The following MYO19 variants were observed in gnomAD, a reference collection of about 807,000 sequenced individuals.
The protein encoded by MYO19 is unconventional myosin-XIX.
MYO19 carries 132 observed loss-of-function variants against 129.2 expected under a neutral mutation model. The ratio of observed to expected loss-of-function variants is 1.02; its 90% CI spans 0.89 to 1.18. MYO19 has a LOEUF of 1.18. Among genes scored for constraint, MYO19 ranks in the 50% most tolerant of loss-of-function variants. MYO19 has a pLI of 0.00. For synonymous variants in MYO19, 531 were observed against 477.2 expected, an observed-to-expected ratio of 1.11 and a Z score of -1.47; for missense variants, 1,210 against 1,216.7, an observed-to-expected ratio of 0.99 and a Z score of 0.08.
intron 12 of MYO19, 114 bp from the exon 13 acceptor site, chr17:36,511,031 T>C: frequency 8.0e-7 from 1 of 1,247,712 alleles, no homozygotes; most frequent in Admixed American, 2.5e-5. Flanking sequence ...AGAAGAAACC[T>C]AAGTTCTGAT....
intron 9 of MYO19, among the ~76,000 whole-genome samples, chr17:36,514,046 A>G (rs927255416): frequency 6.6e-6 from 1 of 152,216 alleles, no homozygotes; most frequent in African/African-American, 2.4e-5. Context: ...TTTGAGAGAA[A>G]GGGAGATATC....
chr17:36,505,497 G>T (rs1226956768), intron 18 of MYO19, 93 bp from the exon 19 acceptor site: 1 of 860,802 alleles, frequency 1.2e-6, no homozygotes, highest in Non-Finnish European at 1.9e-6. Context: ...AATGCCTCCA[G>T]CGGGCCCTTC....
chr17:36,515,139 C>T lies in MYO19; in HGVS notation c.591G>A (p.Gly197=). The change falls in exon 8 of 26, where the codon GGG becomes GGA. Residue 197 remains glycine (G), a synonymous_variant. Coordinates refer to ENST00000614623, the MANE Select transcript of MYO19 (RefSeq NM_001163735.2). Reference sequence around the variant, plus strand: ...TGTTCAGCTGGAGCTGGATGAACTTCCCAAAGCGACTGCTGTTGTTATTCC... The same window carrying T: ...TGTTCAGCTGGAGCTGGATGAACTTTCCAAAGCGACTGCTGTTGTTATTCC... ...TLRNNNSSRF[G]KFIQLQLNRA... is the part of the protein sequence containing the mutation. 1 of 1,611,858 alleles carries T rather than the reference C, an allele frequency of 6.2e-7. No homozygotes were observed. The highest frequency in any genetic ancestry group is 8.5e-7 in the Non-Finnish European group (1 of 1,179,016).
intron 7 of MYO19, 28 bp from the exon 8 acceptor site, chr17:36,515,210 C>T (rs1223552531): frequency 1.2e-6 from 2 of 1,603,552 alleles, no homozygotes; most frequent in South Asian, 1.1e-5. Context: ...GTTTATTTCA[C>T]TCCCCTGGGT....
At chr17:36,534,233 C>T (rs934499439) in intron 1 of MYO19, 129 bp from the exon 2 acceptor site, 2 of 152,286 alleles carry the variant, frequency 1.3e-5, no homozygotes, top group African/African-American at 2.4e-5. Flanking sequence ...AGGGCAGACG[C>T]TGAGAAGCGC....
chr17:36,525,522 A>T (rs1324891424), intron 5 of MYO19, among the ~76,000 whole-genome samples, 181 bp from the exon 6 acceptor site: 1 of 152,140 alleles, frequency 6.6e-6, no homozygotes, highest in Non-Finnish European at 1.5e-5. Context: ...GGCTTTACCT[A>T]TTCATTTTCT....
Position 36,505,362 on chromosome 17 carries a change from G to T in MYO19, c.1840C>A (p.Pro614Thr). 2 of 1,614,264 alleles carry T rather than the reference G, an allele frequency of 1.2e-6. No individual in the cohort carries two copies. The highest frequency in any genetic ancestry group is 1.7e-6 in the Non-Finnish European group (2 of 1,180,044). ...QLLQVLHSTT[P>T]HYIRCIKPNS... ...GGCTTGATGCAGCGAATGTAGTGGG[G>T]CGTGGTGCTGTGTAGGACCTGCAGA... The change falls in exon 19 of 26, where the codon CCC becomes ACC. Residue 614 changes from proline to threonine, a missense_variant. Physicochemically the swap from Pro to Thr is conservative, Grantham distance 38. Transcript: ENST00000614623.
Position 36,513,524 on chromosome 17 carries a change from T to G in MYO19, c.818-19A>C. 6.2e-7 allele frequency: 1 copy of G among 1,613,730 alleles called. No individual in the cohort carries two copies. The highest frequency in any genetic ancestry group is 8.5e-7 in the Non-Finnish European group (1 of 1,179,774). ...CAATCCTCTGAAAAAGAATCCAAGT[T>G]CGGGGCAGAGGTCAGCAGCAGCAAG... On this transcript the variant is annotated intron_variant, in intron 10 of 25. Transcript: ENST00000614623.
chr17:36,527,970 G>A (rs970792433), intron 4 of MYO19, 94 bp downstream of exon 4: 69 of 1,507,082 alleles, frequency 4.6e-5, no homozygotes, highest in Non-Finnish European at 5.9e-5. Flanking sequence ...GAGTCCTGCC[G>A]ACCTCCGTCT....
intron 6 of MYO19, among the ~76,000 whole-genome samples, chr17:36,516,237 G>GC (rs2072740123): frequency 6.6e-6 from 1 of 151,820 alleles, no homozygotes; most frequent in East Asian, 1.9e-4. Context: ...TTCTGTGTAT[G>GC]TTTTTTTTGC....
At chr17:36,538,187 A>G, upstream of MYO19, 1 of 1,613,726 alleles carries the variant, frequency 6.2e-7, no homozygotes, top group Non-Finnish European at 8.5e-7. Flanking sequence ...TAAATGTAGA[A>G]GCAGTATCTC....
rs778418506 is a variant in MYO19 at position 36,498,307 on chromosome 17, G to A, written c.2716C>T (p.Gln906Ter). 1.9e-6 allele frequency: 3 copies of A among 1,613,918 alleles called. No homozygotes were observed. The highest frequency in any genetic ancestry group is 2.2e-5 in the East Asian group (1 of 44,884). ...ATGGACGTGACACCAGCCTGGTCTT[G>A]TGCTGTCTGGACAGTGTAGCTACTG... Reference protein sequence around the residue: ...SPSSYTVQTAQDQAGVTSIRA... With the variant: ...SPSSYTVQTA The change falls in exon 25 of 26, where the codon CAA (glutamine) becomes TAA (stop). Residue 906 changes from glutamine (Q) to a stop codon, truncating the protein, a stop_gained. Transcript: ENST00000614623. LOFTEE classifies it high-confidence loss of function.
At position 36,496,483 on chromosome 17, in the gene MYO19, G is replaced by A. The variant is rs1039191355; in HGVS notation, c.2758-77C>T. 1.8e-5 allele frequency: 26 copies of A among 1,414,704 alleles called. No individual in the cohort carries two copies. In the East Asian group the frequency reaches 1.9e-4, roughly 10 times the overall value. The allele number at this position is 1,414,704 out of a possible 1,614,324, so 87.6% of individuals were successfully genotyped here. ...GGCCTAACAACCCCACAGAGCAGACGCTAAAAATGCAAGAAGGTATGGACA... is the reference window on the plus strand; with the variant it reads ...GGCCTAACAACCCCACAGAGCAGACACTAAAAATGCAAGAAGGTATGGACA... On this transcript the variant is annotated intron_variant, in intron 25 of 25. Coordinates refer to ENST00000614623, the MANE Select transcript of MYO19 (RefSeq NM_001163735.2).
chr17:36,507,521 CA>C lies in MYO19; in HGVS notation c.1354-10del. The C allele has an allele frequency of 6.2e-7, 1 of 1,612,358 alleles. No homozygotes were observed. The highest frequency in any genetic ancestry group is 1.3e-5 in the African/African-American group (1 of 75,000). Reference sequence around the variant, plus strand: ...TCAACTGCGTATTCCTCCTAAAGAACAAGGTGGGATGAGGTGGGAGAAGGCA... The same window carrying C: ...TCAACTGCGTATTCCTCCTAAAGAACAGGTGGGATGAGGTGGGAGAAGGCA... On this transcript the variant is annotated splice_polypyrimidine_tract_variant and intron_variant, in intron 15 of 25. Transcript: ENST00000614623.
intron 23 of MYO19, 22 bp from the exon 24 acceptor site, chr17:36,499,182 A>G (rs368337082): frequency 1.3e-6 from 2 of 1,579,046 alleles, no homozygotes; most frequent in African/African-American, 2.7e-5. Flanking sequence ...GCCCAGAAAC[A>G]GGAAAGAGAT....
At chr17:36,501,395 A>C in intron 21 of MYO19, 160 bp from the exon 22 acceptor site, 1 of 742,630 alleles carries the variant, frequency 1.3e-6, no homozygotes, top group South Asian at 2.2e-5. Context: ...GGAAGCCACA[A>C]ACAGCCTCTC....
At chr17:36,529,398 G>A (rs1295555993) in intron 3 of MYO19, among the ~76,000 whole-genome samples, 1 of 152,152 alleles carries the variant, frequency 6.6e-6, no homozygotes, top group East Asian at 1.9e-4. Context: ...CTTTGGGGAT[G>A]CAGGAAAGAC....
intron 11 of MYO19, 156 bp downstream of exon 11, chr17:36,513,273 G>T: frequency 1.3e-6 from 2 of 1,496,474 alleles, no homozygotes; most frequent in South Asian, 2.7e-5. Flanking sequence ...TCCAGACTCA[G>T]CAGAACAGAG....
rs895441585 is a variant in MYO19 at position 36,530,920 on chromosome 17, C to CTTAT, written c.12+1603_12+1606dup. Among the ~76,000 whole-genome samples, 12 of 152,104 alleles carry CTTAT rather than the reference C, an allele frequency of 7.9e-5. No individual in the cohort carries two copies. In the South Asian group the frequency reaches 1.5e-3, roughly 18 times the overall value. On this transcript the variant is annotated intron_variant, in intron 3 of 25. Transcript: ENST00000614623. ...ACAGGCATGAGCCACCGTGCCTGGC[C>CTTAT]TTATTTATTTATTTATTTAAGAGAC...
Sources: allele counts gnomAD v4.1 joint callset (sites outside exome capture counted in the v4.1 genomes callset), GRCh38; gene constraint gnomAD v4.1.1; transcripts MANE v1.5; gene names NCBI Gene and HGNC (gene_info 2026-07-23, HGNC 2026-07-21).